Variants in SNX29 observed in about 807,000 individuals in gnomAD.
SNX29 encodes sorting nexin-29.
A neutral mutation model predicts 102.1 loss-of-function variants in SNX29; 78 were observed. That is an observed-to-expected ratio of 0.76 (90% CI 0.64 to 0.92). The LOEUF (loss-of-function observed/expected upper bound fraction) is 0.92. Among genes scored for constraint, SNX29 ranks in the 40% least tolerant of loss-of-function variants. The probability of loss-of-function intolerance (pLI) is 0.00; values close to 1 mark genes in which losing one functional copy is unlikely to be tolerated. For missense variants in SNX29, 1,280 were observed against 1,061.7 expected (o/e 1.21, Z -2.86); for synonymous variants, 580 against 414.5 (o/e 1.40, Z -4.85).
chr16:12,420,984 T>C (rs2084850651), intron 18 of SNX29, among the ~76,000 whole-genome samples: 1 of 152,174 alleles, frequency 6.6e-6, no homozygotes, highest in African/African-American at 2.4e-5. Flanking sequence ...GTGTACTAGG[T>C]GCTATGCGGG....
chr16:12,380,630 ACCAT>A (rs1278064557), intron 16 of SNX29, among the ~76,000 whole-genome samples: 1 of 80,612 alleles, frequency 1.2e-5, no homozygotes, highest in African/African-American at 5.0e-5. Flanking sequence ...CCACCCACCC[ACCAT>A]CCATCCATCC....
chr16:12,040,102 G>A (rs1199522655), intron 4 of SNX29, among the ~76,000 whole-genome samples: 9 of 152,162 alleles, frequency 5.9e-5, no homozygotes, highest in Non-Finnish European at 1.2e-4. Flanking sequence ...GGTGGCTCCC[G>A]ACTGTAATCC....
chr16:12,291,527 T>A (rs1346396333), intron 15 of SNX29, among the ~76,000 whole-genome samples: 1 of 152,168 alleles, frequency 6.6e-6, no homozygotes, highest in East Asian at 1.9e-4. Context: ...AGGCAAACCA[T>A]ATCAGTAGGT....
At position 12,573,308 on chromosome 16, in the gene SNX29, C is replaced by A. The variant is rs1429222486; in HGVS notation, c.*4679C>A. ...ATGAGCCATTGCCATCTTATGGGCC[C>A]GATTTGGGTACTCTGAATTATGTCA... On this transcript the variant is annotated 3_prime_UTR_variant, in exon 21 of 21. Coordinates refer to ENST00000566228, the MANE Select transcript of SNX29 (RefSeq NM_032167.5). 1.8e-5 allele frequency: 4 copies of A among 226,280 alleles called. No homozygotes were observed. Among genetic ancestry groups the A allele is most frequent in the Admixed American group, 1.1e-4 (2 of 17,510 alleles). The allele number at this position is 226,280 out of a possible 1,614,324, so 14.0% of individuals were successfully genotyped here.
At chr16:12,505,541 A>T (rs1402070139) in intron 19 of SNX29, among the ~76,000 whole-genome samples, 2 of 152,214 alleles carry the variant, frequency 1.3e-5, no homozygotes, top group Non-Finnish European at 2.9e-5. Flanking sequence ...GGTTTGCAAC[A>T]TGATGCTGTG....
At chr16:12,541,681 A>T (rs991875101) in intron 20 of SNX29, among the ~76,000 whole-genome samples, 1 of 151,752 alleles carries the variant, frequency 6.6e-6, no homozygotes, top group Non-Finnish European at 1.5e-5. Flanking sequence ...ACACCCGTTT[A>T]CCACTACCCT....
intron 13 of SNX29, among the ~76,000 whole-genome samples, chr16:12,134,755 C>A (rs1375285663): frequency 1.3e-5 from 2 of 152,238 alleles, no homozygotes; most frequent in African/African-American, 4.8e-5. Context: ...ACCTTGAAGG[C>A]TGCCTGCTAC....
intron 16 of SNX29, among the ~76,000 whole-genome samples, chr16:12,382,604 C>G (rs2083208138): frequency 6.6e-6 from 1 of 152,226 alleles, no homozygotes; most frequent in Non-Finnish European, 1.5e-5. Flanking sequence ...TTTCTTAGAG[C>G]TGCTGTAACC....
intron 14 of SNX29, among the ~76,000 whole-genome samples, chr16:12,237,113 TGGGG>T (rs2077958482): frequency 6.6e-6 from 1 of 152,100 alleles, no homozygotes; most frequent in Non-Finnish European, 1.5e-5. Flanking sequence ...CAGTTGTACC[TGGGG>T]GCAGGCAGAT....
chr16:12,169,536 G>C (rs534159569), intron 13 of SNX29, among the ~76,000 whole-genome samples: 1 of 152,240 alleles, frequency 6.6e-6, no homozygotes, highest in Admixed American at 6.5e-5. Flanking sequence ...TGGACGTACT[G>C]TGTGAACAGG....
chr16:12,346,998 C>T (rs1462672831), intron 15 of SNX29, among the ~76,000 whole-genome samples: 3 of 152,216 alleles, frequency 2.0e-5, no homozygotes, highest in East Asian at 1.9e-4. Flanking sequence ...TTCTCAGAGG[C>T]GTCCCCTTAC....
At chr16:12,276,112 C>T (rs1450053280) in intron 14 of SNX29, among the ~76,000 whole-genome samples, 2 of 152,008 alleles carry the variant, frequency 1.3e-5, no homozygotes, top group African/African-American at 2.4e-5. Context: ...AGGCTGGTTT[C>T]GGACTCCTGA....
chr16:12,090,841 C>T (rs922449900), intron 11 of SNX29, among the ~76,000 whole-genome samples: 1 of 151,646 alleles, frequency 6.6e-6, no homozygotes, highest in African/African-American at 2.4e-5. Context: ...ATGGTGAAAC[C>T]CTGTCTCTAC....
intron 16 of SNX29, among the ~76,000 whole-genome samples, chr16:12,380,066 C>A (rs919069551): frequency 6.6e-6 from 1 of 150,450 alleles, no homozygotes; most frequent in South Asian, 2.1e-4. Flanking sequence ...CTCTTACTTT[C>A]TGCTGCCAAT....
intron 16 of SNX29, among the ~76,000 whole-genome samples, chr16:12,380,934 C>T (rs1440613420): frequency 1.3e-5 from 1 of 74,144 alleles, no homozygotes; most frequent in Non-Finnish European, 2.5e-5. Context: ...ATCCATCCAT[C>T]CACCATCCAT....
At chr16:12,422,658 A>T (rs566365701) in intron 18 of SNX29, among the ~76,000 whole-genome samples, 2 of 152,290 alleles carry the variant, frequency 1.3e-5, no homozygotes, top group African/African-American at 4.8e-5. Context: ...CCACTGTCCC[A>T]TGCTCTCAAG....
intron 10 of SNX29, among the ~76,000 whole-genome samples, chr16:12,070,730 C>G (rs2051256176): frequency 1.3e-5 from 2 of 151,942 alleles, no homozygotes; most frequent in South Asian, 4.2e-4. Flanking sequence ...ATTTCTAGTT[C>G]TAGATCCCTG....
intron 14 of SNX29, among the ~76,000 whole-genome samples, chr16:12,220,648 G>A (rs1327605877): frequency 2.0e-5 from 3 of 152,082 alleles, no homozygotes; most frequent in Admixed American, 1.3e-4. Flanking sequence ...TAAAGGGATG[G>A]TTACTTTTAG....
intron 15 of SNX29, among the ~76,000 whole-genome samples, chr16:12,333,459 A>G (rs2081355535): frequency 6.6e-6 from 1 of 152,076 alleles, no homozygotes; most frequent in Non-Finnish European, 1.5e-5. Context: ...TCCCTGTTTG[A>G]GAGAGAAGAA....
Sources: gnomAD v4.1 joint callset for allele counts (sites outside exome capture counted in the v4.1 genomes callset) on GRCh38, gnomAD v4.1.1 for gene constraint, MANE v1.5 for transcripts, NCBI Gene and HGNC (gene_info 2026-07-23, HGNC 2026-07-21) for gene names.